Variants in PPHLN1 observed in about 807,000 individuals in gnomAD.
PPHLN1 encodes the protein periphilin-1.
PPHLN1 carries 29 observed loss-of-function variants against 51.3 expected under a neutral mutation model. The ratio of observed to expected loss-of-function variants is 0.57; its 90% CI spans 0.42 to 0.77. The LOEUF (loss-of-function observed/expected upper bound fraction) is 0.77, where lower values mean the gene tolerates loss of function less well. Ranked by LOEUF, PPHLN1 falls within the 30% of genes least tolerant of loss-of-function variation. The pLI is 0.00. For missense variants in PPHLN1, 436 were observed against 438.4 expected, an observed-to-expected ratio of 0.99 and a Z score of 0.05; for synonymous variants, 147 against 147.8, an observed-to-expected ratio of 0.99 and a Z score of 0.04.
At chr12:42,362,840 C>T (rs1029083507) in intron 4 of PPHLN1, among the ~76,000 whole-genome samples, 3 of 152,186 alleles carry the variant, frequency 2.0e-5, no homozygotes, top group Non-Finnish European at 4.4e-5. Flanking sequence ...ATATGCAAGA[C>T]CCTGGTCACT....
At chr12:42,366,803 G>C (rs1210423333) in intron 4 of PPHLN1, among the ~76,000 whole-genome samples, 1 of 152,070 alleles carries the variant, frequency 6.6e-6, no homozygotes, top group Non-Finnish European at 1.5e-5. Flanking sequence ...CTTGGGTTTG[G>C]CTAGAAATCA....
chr12:42,364,672 G>C (rs889901551), intron 4 of PPHLN1, among the ~76,000 whole-genome samples: 1 of 152,038 alleles, frequency 6.6e-6, no homozygotes, highest in Non-Finnish European at 1.5e-5. Context: ...TGTAATCTAA[G>C]CACTTTGGGA....
intron 3 of PPHLN1, among the ~76,000 whole-genome samples, chr12:42,353,907 T>G (rs991369872): frequency 3.3e-5 from 5 of 152,198 alleles, no homozygotes; most frequent in African/African-American, 1.2e-4. Context: ...CTTTATACTT[T>G]TGTGTGTATA....
At chr12:42,403,975 A>G (rs146679105) in intron 9 of PPHLN1, among the ~76,000 whole-genome samples, 1 of 152,020 alleles carries the variant, frequency 6.6e-6, no homozygotes, top group African/African-American at 2.4e-5. Flanking sequence ...AAGGACATTT[A>G]TAAATGGCAT....
intron 1 of PPHLN1, among the ~76,000 whole-genome samples, chr12:42,329,273 G>GT (rs2069309692): frequency 6.6e-6 from 1 of 151,548 alleles, no homozygotes; most frequent in Non-Finnish European, 1.5e-5. Context: ...GGCTAATTTT[G>GT]TTTTTGTATT....
chr12:42,383,305 C>T (rs979465067), intron 5 of PPHLN1, among the ~76,000 whole-genome samples: 3 of 152,130 alleles, frequency 2.0e-5, no homozygotes, highest in Non-Finnish European at 4.4e-5. Context: ...AGTAACTGAA[C>T]ACAAAGTTTC....
chr12:42,406,588 G>A (rs904749579), intron 9 of PPHLN1, among the ~76,000 whole-genome samples: 2 of 151,962 alleles, frequency 1.3e-5, no homozygotes, highest in African/African-American at 2.4e-5. Flanking sequence ...TTTGTAAAAC[G>A]GCTATTGAAA....
intron 1 of PPHLN1, among the ~76,000 whole-genome samples, chr12:42,333,749 TGGG>T (rs2070158975): frequency 2.0e-5 from 3 of 152,218 alleles, no homozygotes; most frequent in Admixed American, 2.0e-4. Context: ...CCCAAAATGC[TGGG>T]ATTACAAGCG....
chr12:42,422,854 C>G (rs1224921279), intron 9 of PPHLN1, among the ~76,000 whole-genome samples: 2 of 152,154 alleles, frequency 1.3e-5, no homozygotes, highest in African/African-American at 4.8e-5. Flanking sequence ...GACTGGATTC[C>G]TACCTCAAAT....
intron 4 of PPHLN1, chr12:42,355,452 T>G (rs1250748322): frequency 2.4e-6 from 1 of 414,502 alleles, no homozygotes; most frequent in African/African-American, 2.1e-5. Flanking sequence ...TTAAAAATAT[T>G]TGGGCCTGGT....
intron 6 of PPHLN1, 144 bp from the exon 7 acceptor site, chr12:42,387,312 A>G (rs1592629774): frequency 4.8e-6 from 4 of 829,392 alleles, no homozygotes; most frequent in Non-Finnish European, 7.1e-6. Flanking sequence ...AGTTTTAGAT[A>G]TTAACCTATT....
intron 5 of PPHLN1, among the ~76,000 whole-genome samples, chr12:42,375,935 C>G (rs2076232143): frequency 6.6e-6 from 1 of 152,162 alleles, no homozygotes; most frequent in African/African-American, 2.4e-5. Context: ...GTCCCTGTCA[C>G]TAGGGAACTA....
intron 2 of PPHLN1, 76 bp from the exon 3 acceptor site, chr12:42,351,809 T>TG (rs2073399206): frequency 7.9e-7 from 1 of 1,268,098 alleles, no homozygotes; most frequent in Non-Finnish European, 1.1e-6. Context: ...TAAGAACTCC[T>TG]GTGCTTTTTA....
chr12:42,374,104 AC>A (rs1474292537), intron 4 of PPHLN1, among the ~76,000 whole-genome samples: 1 of 152,116 alleles, frequency 6.6e-6, no homozygotes, highest in Non-Finnish European at 1.5e-5. Flanking sequence ...AATTGCATAT[AC>A]CTTGAAAACC....
At chr12:42,338,513 G>T (rs891680898) in intron 2 of PPHLN1, among the ~76,000 whole-genome samples, 3 of 152,168 alleles carry the variant, frequency 2.0e-5, no homozygotes, top group Admixed American at 1.3e-4. Flanking sequence ...AAGAATGAGT[G>T]GTTGAGGGAC....
At chr12:42,381,469 A>G (rs923607834) in intron 5 of PPHLN1, among the ~76,000 whole-genome samples, 1 of 152,172 alleles carries the variant, frequency 6.6e-6, no homozygotes, top group African/African-American at 2.4e-5. Context: ...GGAGAACTCT[A>G]CTCAGAAGTG....
intron 9 of PPHLN1, among the ~76,000 whole-genome samples, chr12:42,413,181 T>C (rs2139555283): frequency 6.6e-6 from 1 of 152,346 alleles, no homozygotes; most frequent in South Asian, 2.1e-4. Flanking sequence ...CATAAATTCT[T>C]TGCTTAGGCC....
intron 9 of PPHLN1, chr12:42,399,266 A>G (rs2078571645): frequency 1.0e-6 from 1 of 964,206 alleles, no homozygotes; most frequent in Non-Finnish European, 1.3e-6. Context: ...AAATTATTAA[A>G]GTTAATAGGG....
At position 42,398,687 on chromosome 12, in the gene PPHLN1, T is replaced by A. The variant is rs1177764727; in HGVS notation, c.769-167T>A. 4.6e-5 allele frequency: 23 copies of A among 500,498 alleles called. 1 individual carries two copies. The Admixed American group carries it at 8.7e-4, about 19-fold the overall frequency. The allele number at this position is 500,498 out of a possible 1,614,324, so 31.0% of individuals were successfully genotyped here. A position where few individuals can be genotyped will look rare whatever the true frequency, so the allele number is the denominator to read the frequency against. ...TAGCAGTCATTTCTTCTTTAATCCA[T>A]TTCACATATGCTCATTATGCATAGT... On this transcript the variant is annotated intron_variant, in intron 8 of 9. Transcript: ENST00000358314.
Sources: allele counts gnomAD v4.1 joint callset (sites outside exome capture counted in the v4.1 genomes callset), GRCh38; gene constraint gnomAD v4.1.1; transcripts MANE v1.5; gene names NCBI Gene and HGNC (gene_info 2026-07-23, HGNC 2026-07-21).